Variants in UBR3 observed in about 807,000 individuals in gnomAD.
The protein encoded by UBR3 is E3 ubiquitin-protein ligase UBR3.
Under a neutral mutation model 243.2 loss-of-function variants are expected in UBR3, and 85 were observed. The observed-to-expected ratio is 0.35, with a 90% CI of 0.29 to 0.42. UBR3 has a LOEUF of 0.42. UBR3 is among the 10% of genes least tolerant of loss of function. The pLI, the probability that UBR3 is intolerant of heterozygous loss-of-function variation, is 1.00. For missense variants in UBR3, 1,686 were observed against 2,300.8 expected (o/e 0.73, Z 5.47); for synonymous variants, 748 against 799.8 (o/e 0.94, Z 1.09).
chr2:170,008,623 T>C (rs896082778), intron 28 of UBR3, among the ~76,000 whole-genome samples, 181 bp from the exon 29 acceptor site: 1 of 152,142 alleles, frequency 6.6e-6, no homozygotes, highest in African/African-American at 2.4e-5. Flanking sequence ...GATCACTGTT[T>C]AGAGAGTATT....
chr2:169,909,686 T>C (rs2085172716), intron 10 of UBR3, among the ~76,000 whole-genome samples: 1 of 152,022 alleles, frequency 6.6e-6, no homozygotes, highest in Admixed American at 6.6e-5. Flanking sequence ...ATGTCTGAGG[T>C]GATGGATATG....
intron 22 of UBR3, among the ~76,000 whole-genome samples, chr2:169,949,240 G>T (rs2086911441): frequency 1.3e-5 from 2 of 151,988 alleles, no homozygotes; most frequent in Non-Finnish European, 2.9e-5. Context: ...AGTTAGTAAG[G>T]AGTATCCTAT....
At chr2:170,037,279 G>A (rs2090857103) in intron 31 of UBR3, among the ~76,000 whole-genome samples, 1 of 152,078 alleles carries the variant, frequency 6.6e-6, no homozygotes, top group African/African-American at 2.4e-5. Flanking sequence ...ATCGGGCTGA[G>A]TTAGGTTCCT....
At chr2:170,008,538 GC>G (rs1186313004) in intron 28 of UBR3, among the ~76,000 whole-genome samples, 1 of 151,996 alleles carries the variant, frequency 6.6e-6, no homozygotes, top group Non-Finnish European at 1.5e-5. Context: ...CATCTCATTG[GC>G]TTAGCATAAT....
intron 35 of UBR3, among the ~76,000 whole-genome samples, chr2:170,063,595 T>C (rs2091496039): frequency 6.6e-6 from 1 of 152,198 alleles, no homozygotes; most frequent in African/African-American, 2.4e-5. Context: ...AGTTTTAAAT[T>C]GCACACCATT....
At chr2:169,933,483 C>T (rs1374534826) in intron 19 of UBR3, among the ~76,000 whole-genome samples, 1 of 152,088 alleles carries the variant, frequency 6.6e-6, no homozygotes, top group Admixed American at 6.5e-5. Flanking sequence ...TTGATGACTG[C>T]AGAAGACAAA....
intron 5 of UBR3, among the ~76,000 whole-genome samples, chr2:169,890,593 G>GTGTA (rs1251011190): frequency 1.3e-5 from 1 of 76,162 alleles, no homozygotes; most frequent in Non-Finnish European, 2.6e-5. Flanking sequence ...ATATATATAT[G>GTGTA]TATATATATG....
At chr2:169,889,115 G>C (rs1239468344) in intron 5 of UBR3, among the ~76,000 whole-genome samples, 1 of 152,028 alleles carries the variant, frequency 6.6e-6, no homozygotes, top group African/African-American at 2.4e-5. Context: ...TTTCCCACCA[G>C]CTCAGATGCA....
intron 8 of UBR3, among the ~76,000 whole-genome samples, chr2:169,898,599 G>A (rs1227372597): frequency 1.3e-5 from 2 of 150,112 alleles, no homozygotes; most frequent in Admixed American, 6.6e-5. Flanking sequence ...TACTTTGTGA[G>A]TCTGCCTTCC....
intron 24 of UBR3, among the ~76,000 whole-genome samples, chr2:169,983,251 CCT>C (rs2088833774): frequency 8.7e-6 from 1 of 115,472 alleles, no homozygotes; most frequent in Non-Finnish European, 1.7e-5. Context: ...CATTCTCTCT[CCT>C]TTTTTTTTTT....
chr2:169,963,696 C>G (rs12185661), intron 24 of UBR3, among the ~76,000 whole-genome samples: 66,735 of 152,000 alleles, frequency 0.44, 15,795 homozygotes, highest in Non-Finnish European at 0.54. Flanking sequence ...TATATTTTTA[C>G]TACCAGATTT....
chr2:170,042,852 G>A (rs2091001767), intron 32 of UBR3, among the ~76,000 whole-genome samples: 1 of 151,648 alleles, frequency 6.6e-6, no homozygotes, highest in Non-Finnish European at 1.5e-5. Context: ...TACTTTTTTG[G>A]GGGGTTAGAC....
At chr2:169,905,606 C>T (rs1010970292) in intron 9 of UBR3, among the ~76,000 whole-genome samples, 3 of 152,132 alleles carry the variant, frequency 2.0e-5, no homozygotes, top group Non-Finnish European at 2.9e-5. Context: ...TACTCCTGGG[C>T]TCAACCAATC....
At position 169,931,723 on chromosome 2, in the gene UBR3, T is replaced by A. The variant is rs72891959; in HGVS notation, c.2567-1189T>A. On this transcript the variant is annotated intron_variant, in intron 18 of 38. Coordinates refer to ENST00000272793, the MANE Select transcript of UBR3 (RefSeq NM_172070.4). ...TCTAAATAGCCTCTCTACTGAAATA[T>A]ACTTAGTATTTCACTATTTTTTAAA... is the stretch of plus-strand genomic sequence containing the variant. Among the ~76,000 whole-genome samples the A allele has an allele frequency of 4.5e-3, 681 of 152,320 alleles. 3 individuals are homozygous for A. The highest frequency in any genetic ancestry group is 7.6e-3 in the Non-Finnish European group (515 of 68,030).
intron 27 of UBR3, among the ~76,000 whole-genome samples, chr2:170,005,123 C>G (rs1003830375): frequency 7.2e-5 from 11 of 152,214 alleles, no homozygotes; most frequent in Non-Finnish European, 1.5e-4. Context: ...ACTCAGGAGG[C>G]TGAGGCAGGA....
chr2:169,905,057 G>A, intron 8 of UBR3, 57 bp from the exon 9 acceptor site: 2 of 1,374,140 alleles, frequency 1.5e-6, no homozygotes, highest in East Asian at 5.3e-5. Flanking sequence ...TGTATTATTG[G>A]TTAAGCTTTT....
chr2:169,856,648 C>T (rs888851173), intron 1 of UBR3, among the ~76,000 whole-genome samples: 10 of 152,308 alleles, frequency 6.6e-5, no homozygotes, highest in East Asian at 3.9e-4. Context: ...CCGGCCAACA[C>T]GGCGAAACCC....
At chr2:169,974,859 A>T (rs1052863023) in intron 24 of UBR3, among the ~76,000 whole-genome samples, 3 of 151,956 alleles carry the variant, frequency 2.0e-5, no homozygotes, top group Non-Finnish European at 2.9e-5. Context: ...TTGTGTTTCT[A>T]TTTTCATTTG....
chr2:170,029,282 G>C, intron 30 of UBR3, 64 bp from the exon 31 acceptor site: 1 of 1,311,556 alleles, frequency 7.6e-7, no homozygotes, highest in Non-Finnish European at 1.1e-6. Flanking sequence ...TAGAAATTTT[G>C]TCTGAATTTT....
Sources: gnomAD v4.1 joint callset for allele counts (sites outside exome capture counted in the v4.1 genomes callset) on GRCh38, gnomAD v4.1.1 for gene constraint, MANE v1.5 for transcripts, NCBI Gene and HGNC (gene_info 2026-07-23, HGNC 2026-07-21) for gene names.